KAZN: variants seen among roughly 807,000 people sequenced by gnomAD.
The protein encoded by KAZN is kazrin.
Under a neutral mutation model 87.4 loss-of-function variants are expected in KAZN, and 40 were observed. The ratio of observed to expected loss-of-function variants is 0.46; its 90% CI spans 0.36 to 0.60. The LOEUF is 0.60. Among genes scored for constraint, KAZN ranks in the 20% least tolerant of loss-of-function variants. KAZN has a pLI of 0.00. For synonymous variants in KAZN, 466 were observed against 458.3 expected (o/e 1.02, Z -0.22); for missense variants, 898 against 1,073.9 (o/e 0.84, Z 2.29).
chr1:14,095,261 C>T (rs1299649601), intron 1 of KAZN, among the ~76,000 whole-genome samples: 1 of 152,208 alleles, frequency 6.6e-6, no homozygotes, highest in Non-Finnish European at 1.5e-5. Flanking sequence ...TTCTCACTCT[C>T]ATCTAGGTAT....
At chr1:13,964,415 C>T (rs1017582481) in intron 1 of KAZN, among the ~76,000 whole-genome samples, 1 of 152,236 alleles carries the variant, frequency 6.6e-6, no homozygotes, top group South Asian at 2.1e-4. Flanking sequence ...TGGCTTAAAA[C>T]AACAACTGCT....
chr1:14,979,510 G>T (rs138251303), intron 2 of KAZN, among the ~76,000 whole-genome samples: 1 of 152,236 alleles, frequency 6.6e-6, no homozygotes, highest in Non-Finnish European at 1.5e-5. Flanking sequence ...CTGTGTCCTG[G>T]AGCTATGGGT....
chr1:13,893,708 G>A (rs755496544), exon 1 of KAZN: 7 of 1,550,376 alleles, frequency 4.5e-6, no homozygotes, highest in African/African-American at 2.7e-5. Flanking sequence ...CACAGGCCCC[G>A]TCACCTTCTC....
At chr1:14,678,534 G>A (rs1405163870) in intron 1 of KAZN, among the ~76,000 whole-genome samples, 1 of 152,164 alleles carries the variant, frequency 6.6e-6, no homozygotes, top group African/African-American at 2.4e-5. Flanking sequence ...CCCTGTGATC[G>A]TGTGAGTCAA....
At chr1:14,946,084 A>C (rs978712614) in intron 1 of KAZN, 1 of 203,536 alleles carries the variant, frequency 4.9e-6, no homozygotes, top group Non-Finnish European at 8.7e-6. Context: ...GCCAGGGTCA[A>C]ACAACTACCC....
chr1:14,484,069 C>T (rs536661290), intron 2 of KAZN, among the ~76,000 whole-genome samples: 2 of 152,256 alleles, frequency 1.3e-5, no homozygotes, highest in East Asian at 3.9e-4. Context: ...AATTGATTGA[C>T]CATAGATGCA....
intron 1 of KAZN, among the ~76,000 whole-genome samples, chr1:14,647,596 G>A (rs544390521): frequency 7.9e-5 from 12 of 152,272 alleles, no homozygotes; most frequent in South Asian, 6.2e-4. Flanking sequence ...CAGGTAGAGA[G>A]CCTGGGCCCA....
intron 2 of KAZN, among the ~76,000 whole-genome samples, chr1:14,325,785 T>C (rs57136308): frequency 0.031 from 4,688 of 152,254 alleles, 104 homozygotes; most frequent in East Asian, 0.099. Flanking sequence ...TAAAAATTAT[T>C]ATAAAACACC....
chr1:14,559,585 G>A (rs893990069), intron 2 of KAZN, among the ~76,000 whole-genome samples: 2 of 152,140 alleles, frequency 1.3e-5, no homozygotes, highest in Admixed American at 1.3e-4. Context: ...AGTAGACGAA[G>A]AAGAAGATAC....
At chr1:15,106,826 G>A (rs748305071) in intron 13 of KAZN, among the ~76,000 whole-genome samples, 53 of 152,128 alleles carry the variant, frequency 3.5e-4, no homozygotes, top group Non-Finnish European at 6.8e-4. Flanking sequence ...TGCATCTCCC[G>A]ATAAACCTTG....
In KAZN at chr1:15,109,693, A is replaced by G. The variant is rs377678950; in HGVS notation, c.2049-2734A>G. Among the ~76,000 whole-genome samples the G allele has an allele frequency of 1.9e-3, 290 of 150,596 alleles. 8 individuals are homozygous for G. In the South Asian group the frequency reaches 0.057, roughly 29 times the overall value. On this transcript the variant is annotated intron_variant, in intron 13 of 14. Transcript: ENST00000376030. ...TATGTGTGTATATGGGTGTATGTGT[A>G]TGTTTGTGTATGAGCGTGTTTGTGT...
intron 2 of KAZN, among the ~76,000 whole-genome samples, chr1:14,317,465 T>TA (rs931816494): frequency 2.6e-5 from 4 of 151,930 alleles, no homozygotes; most frequent in Admixed American, 1.3e-4. Context: ...TCTTGCTTTC[T>TA]AAAAAAATTA....
chr1:14,943,008 GTGTGTGT>G (rs1661286732), intron 1 of KAZN, among the ~76,000 whole-genome samples: 1 of 62,202 alleles, frequency 1.6e-5, no homozygotes, highest in African/African-American at 7.4e-5. Flanking sequence ...TGTGTGTGTG[GTGTGTGT>G]GTGTGTGTGT....
chr1:14,771,040 T>C (rs922542848), intron 1 of KAZN, among the ~76,000 whole-genome samples: 1 of 152,160 alleles, frequency 6.6e-6, no homozygotes, highest in Non-Finnish European at 1.5e-5. Flanking sequence ...CACCCATCCA[T>C]GTGATCTTAC....
chr1:14,231,778 C>A (rs1381078007), intron 2 of KAZN, among the ~76,000 whole-genome samples: 2 of 152,222 alleles, frequency 1.3e-5, no homozygotes, highest in Non-Finnish European at 2.9e-5. Context: ...ATAGATAATT[C>A]TCCAAATCTC....
chr1:14,394,007 G>T (rs1662678890), intron 2 of KAZN, among the ~76,000 whole-genome samples: 1 of 152,168 alleles, frequency 6.6e-6, no homozygotes, highest in African/African-American at 2.4e-5. Context: ...TCAAAGGCAG[G>T]CAGCCTTGAT....
rs1486019645 is a variant in KAZN at position 14,904,037 on chromosome 1, G to A, written c.227-56647G>A. On this transcript the variant is annotated intron_variant, in intron 1 of 14. Transcript: ENST00000376030. Reference sequence around the variant, plus strand: ...CCAGTGAATGTGTAGACCAGGGGACGTTCACTGGTCAACGGGTTGGTTAGT... The same window carrying A: ...CCAGTGAATGTGTAGACCAGGGGACATTCACTGGTCAACGGGTTGGTTAGT... Among the ~76,000 whole-genome samples the A allele has an allele frequency of 3.3e-5, 5 of 152,250 alleles. No individual in the cohort carries two copies. In the South Asian group the frequency reaches 8.3e-4, roughly 25 times the overall value.
chr1:14,381,837 G>A (rs1195777280), intron 2 of KAZN, among the ~76,000 whole-genome samples: 1 of 152,068 alleles, frequency 6.6e-6, no homozygotes, highest in Non-Finnish European at 1.5e-5. Flanking sequence ...GCAACCAGAA[G>A]ACAAGAGAAT....
chr1:14,357,474 T>C (rs1023320676), intron 2 of KAZN, among the ~76,000 whole-genome samples: 1 of 152,214 alleles, frequency 6.6e-6, no homozygotes, highest in African/African-American at 2.4e-5. Flanking sequence ...ATAAAAGTGG[T>C]GAGAGACGGC....
Sources: allele counts gnomAD v4.1 joint callset (sites outside exome capture counted in the v4.1 genomes callset), GRCh38; gene constraint gnomAD v4.1.1; transcripts MANE v1.5; gene names NCBI Gene and HGNC (gene_info 2026-07-23, HGNC 2026-07-21).